SCAF11: variants seen among roughly 807,000 people sequenced by gnomAD.
SCAF11 encodes the protein protein SCAF11.
In SCAF11, 47 loss-of-function variants were observed where a neutral mutation model predicts 140.5. The ratio of observed to expected loss-of-function variants is 0.33; its 90% CI spans 0.26 to 0.43. The LOEUF is 0.43. Ranked by LOEUF, SCAF11 falls within the 20% of genes least tolerant of loss-of-function variation. The pLI is 1.00. For synonymous variants in SCAF11, 557 were observed against 579.4 expected (o/e 0.96, Z 0.55); for missense variants, 1,645 against 1,705.1 (o/e 0.96, Z 0.62).
chr12:45,925,162 TA>T, intron 11 of SCAF11, 88 bp from the exon 12 acceptor site: 1 of 976,930 alleles, frequency 1.0e-6, no homozygotes, highest in Non-Finnish European at 1.5e-6. Context: ...ACAGTAAAAT[TA>T]AATAGCAATT....
chr12:45,926,593 G>A lies in SCAF11; in HGVS notation c.3108C>T (p.Thr1036=), dbSNP rs568957675. 5 of 1,613,376 alleles carry A rather than the reference G, an allele frequency of 3.1e-6. No individual in the cohort carries two copies. The Admixed American group carries it at 6.7e-5, about 22-fold the overall frequency. The part of the protein sequence containing the change: ...EKINSGPDPR[T]RNPEKLKESH... Reference sequence around the variant, plus strand: ...ACTCTTTCAACTTTTCTGGATTTCTGGTTCTTGGATCAGGCCCAGAGTTTA... The same window carrying A: ...ACTCTTTCAACTTTTCTGGATTTCTAGTTCTTGGATCAGGCCCAGAGTTTA... The change falls in exon 11 of 15, where the codon ACC becomes ACT. Residue 1036 remains threonine, a synonymous_variant. Coordinates refer to ENST00000369367, the MANE Select transcript of SCAF11 (RefSeq NM_004719.3).
rs1415772247 is a variant in SCAF11 at position 45,939,173 on chromosome 12, C to G, written c.464-4668G>C. ...TTTTAATGGTAAAAACTGTACAAAA[C>G]TCAAGGGGCTTGACTTCCAGTAAAA... On this transcript the variant is annotated intron_variant, in intron 6 of 14. Coordinates refer to ENST00000369367, the MANE Select transcript of SCAF11 (RefSeq NM_004719.3). Among the ~76,000 whole-genome samples, 4 of 151,456 alleles carry G rather than the reference C, an allele frequency of 2.6e-5. No individual in the cohort carries two copies. In the East Asian group the frequency reaches 5.8e-4, roughly 22 times the overall value.
At chr12:45,932,277 A>G (rs1258386392) in intron 9 of SCAF11, among the ~76,000 whole-genome samples, 2 of 152,072 alleles carry the variant, frequency 1.3e-5, no homozygotes, top group African/African-American at 2.4e-5. Flanking sequence ...AATTTTCTCC[A>G]TTCAAACCCA....
At chr12:45,987,101 C>A (rs1009394433) in intron 1 of SCAF11, among the ~76,000 whole-genome samples, 3 of 152,192 alleles carry the variant, frequency 2.0e-5, no homozygotes, top group Admixed American at 1.3e-4. Context: ...TGGTTCATTC[C>A]TGTAATCCCA....
chr12:45,975,899 T>C (rs1333348460), intron 1 of SCAF11, among the ~76,000 whole-genome samples: 1 of 152,152 alleles, frequency 6.6e-6, no homozygotes. Context: ...ACTGATCACA[T>C]ATCACAACAG....
chr12:45,940,514 T>C (rs1157537146), intron 6 of SCAF11, among the ~76,000 whole-genome samples: 1 of 152,200 alleles, frequency 6.6e-6, no homozygotes, highest in Non-Finnish European at 1.5e-5. Context: ...CTGGATCAAA[T>C]TCTGGTGGCT....
In SCAF11 at chr12:45,928,200, C is replaced by G; in HGVS notation, c.1501G>C (p.Glu501Gln). ...CTTTCCAAACACAAAACATTAGCCT[C>G]TATACCTGTATTCTCGAGTTTTTTA... ...EVKKLENTGI[E>Q]ANVLCLESEI... Residue 501 changes from glutamate to glutamine, a missense_variant, in exon 11 of 15, where the codon GAG becomes CAG. Physicochemically the swap from Glu to Gln is conservative, Grantham distance 29. Transcript: ENST00000369367. 1 of 1,613,996 alleles carries G rather than the reference C, an allele frequency of 6.2e-7. No individual in the cohort carries two copies. The highest frequency in any genetic ancestry group is 1.7e-5 in the Admixed American group (1 of 60,014).
chr12:45,937,763 A>T (rs1438031210), intron 6 of SCAF11, among the ~76,000 whole-genome samples: 1 of 152,242 alleles, frequency 6.6e-6, no homozygotes, highest in Non-Finnish European at 1.5e-5. Flanking sequence ...TAGAAGCCTC[A>T]TCATTTGACT....
At chr12:45,991,691 A>G (rs938227714), upstream of SCAF11, among the ~76,000 whole-genome samples, 1 of 152,164 alleles carries the variant, frequency 6.6e-6, no homozygotes, top group Admixed American at 6.5e-5. Flanking sequence ...CCTCGGAGGT[A>G]TTTTGACTTT....
intron 5 of SCAF11, among the ~76,000 whole-genome samples, chr12:45,947,037 TAATA>T (rs1217465076): frequency 8.5e-5 from 13 of 152,180 alleles, no homozygotes; most frequent in African/African-American, 3.1e-4. Flanking sequence ...TATAAATTAG[TAATA>T]GGTTGAATTA....
rs753057739 is a variant in SCAF11, at chr12:45,928,435, C to A, written c.1266G>T (p.Glu422Asp). 1 of 1,612,434 alleles carries A rather than the reference C, an allele frequency of 6.2e-7. No individual in the cohort carries two copies. The highest frequency in any genetic ancestry group is 8.5e-7 in the Non-Finnish European group (1 of 1,178,688). Reference protein sequence around the residue: ...ESDTSPVLEKEHQPDVDSSNI... With the variant: ...ESDTSPVLEKDHQPDVDSSNI... ...TACTACTGTCTACATCTGGTTGGTG[C>A]TCTTTTTCTAACACAGGTGATGTGT... The change falls in exon 11 of 15, where the codon GAG becomes GAT. Residue 422 changes from glutamate to aspartate, a missense_variant. Physicochemically the swap from Glu to Asp is conservative, Grantham distance 45. Coordinates refer to ENST00000369367, the MANE Select transcript of SCAF11 (RefSeq NM_004719.3).
At chr12:45,948,019 A>G (rs1180452747) in intron 5 of SCAF11, among the ~76,000 whole-genome samples, 1 of 152,174 alleles carries the variant, frequency 6.6e-6, no homozygotes. Flanking sequence ...TATTTTACAA[A>G]AGGTTTGGTC....
In SCAF11 at chr12:45,926,173, C is replaced by A. The variant is rs747470862; in HGVS notation, c.3528G>T (p.Trp1176Cys). The A allele has an allele frequency of 3.7e-6, 6 of 1,613,528 alleles. No individual in the cohort carries two copies. Among genetic ancestry groups the A allele is most frequent in the Non-Finnish European group, 5.1e-6 (6 of 1,179,656 alleles). ...CAGATGTTTCCTCCTCTTGTTTCAT[C>A]CATCCAGACTGTGGACCTGAAGAAT... ...GRNSSGPQSG[W>C]MKQEEETSGQ... Residue 1176 changes from tryptophan to cysteine, a missense_variant, in exon 11 of 15, where the codon TGG (tryptophan) becomes TGT (cysteine). Transcript: ENST00000369367.
intron 3 of SCAF11, among the ~76,000 whole-genome samples, chr12:45,959,082 G>C (rs1458780811): frequency 6.6e-6 from 1 of 152,058 alleles, no homozygotes; most frequent in African/African-American, 2.4e-5. Flanking sequence ...ATCTCAGAAA[G>C]CACAGAAATT....
chr12:45,972,161 T>C (rs1210521367), intron 1 of SCAF11, among the ~76,000 whole-genome samples: 1 of 152,128 alleles, frequency 6.6e-6, no homozygotes, highest in Admixed American at 6.5e-5. Flanking sequence ...GGGTAGCGCA[T>C]ATTGAAAAAG....
chr12:45,942,058 T>C (rs1945315049), intron 6 of SCAF11, among the ~76,000 whole-genome samples: 1 of 152,242 alleles, frequency 6.6e-6, no homozygotes, highest in African/African-American at 2.4e-5. Flanking sequence ...AATAACATTC[T>C]TTCTCCAGCT....
At chr12:45,930,577 T>C (rs1418203080) in intron 10 of SCAF11, among the ~76,000 whole-genome samples, 1 of 150,006 alleles carries the variant, frequency 6.7e-6, no homozygotes, top group African/African-American at 2.5e-5. Context: ...TACACCAGAA[T>C]AGCAACAGGT....
chr12:45,947,001 G>C (rs974942032), intron 5 of SCAF11, among the ~76,000 whole-genome samples: 1 of 152,120 alleles, frequency 6.6e-6, no homozygotes, highest in Non-Finnish European at 1.5e-5. Context: ...CTACCCAAAA[G>C]TTAACATCTA....
intron 6 of SCAF11, among the ~76,000 whole-genome samples, chr12:45,939,720 C>T (rs1945251265): frequency 6.6e-6 from 1 of 152,150 alleles, no homozygotes; most frequent in Non-Finnish European, 1.5e-5. Context: ...CTCAAATAAA[C>T]AAATAAATAA....
Sources: allele counts gnomAD v4.1 joint callset (sites outside exome capture counted in the v4.1 genomes callset), GRCh38; gene constraint gnomAD v4.1.1; transcripts MANE v1.5; gene names NCBI Gene and HGNC (gene_info 2026-07-23, HGNC 2026-07-21).